Variants in CA7 observed in about 807,000 individuals in gnomAD.
CA7 encodes carbonic anhydrase 7.
CA7 carries 13 observed loss-of-function variants against 31.4 expected under a neutral mutation model. The ratio of observed to expected loss-of-function variants is 0.41; its 90% CI spans 0.27 to 0.66. The LOEUF is 0.66. Ranked by LOEUF, CA7 falls within the 30% of genes least tolerant of loss-of-function variation. The pLI, the probability that CA7 is intolerant of heterozygous loss-of-function variation, is 0.28. For missense variants in CA7, 215 were observed against 351.0 expected (o/e 0.61, Z 3.10); for synonymous variants, 128 against 133.2 (o/e 0.96, Z 0.27).
At position 66,853,268 on chromosome 16, in the gene CA7, G is replaced by A. The variant is rs1321767369; in HGVS notation, c.673-108G>A. ...TAGGGACAGACCCTAAGGGAAGGAG[G>A]AGGGAGGGGTAGAGCTGGCTGGGCA... On this transcript the variant is annotated intron_variant, in intron 6 of 6. Transcript: ENST00000338437. This position sits in a 1 kb window ranked among gnomAD's most constrained non-coding sequence, Gnocchi z 4.5. 6.6e-6 allele frequency: 9 copies of A among 1,368,194 alleles called. No homozygotes were observed. In the African/African-American group the frequency reaches 1.3e-4, roughly 20 times the overall value. 84.8% of individuals were successfully genotyped at this position (1,368,194 alleles called of 1,614,324 possible).
In CA7 at chr16:66,847,018, C is replaced by T. The variant is rs1332577221; in HGVS notation, c.41-12C>T. On this transcript the variant is annotated splice_polypyrimidine_tract_variant and intron_variant, in intron 1 of 6. Coordinates refer to ENST00000338437, the MANE Select transcript of CA7 (RefSeq NM_005182.3). Reference sequence around the variant, plus strand: ...GGCTGGCCTGAGTCCTTGCCCTCCTCCCCACCTGCAGGCCCCTCGCATTGG... The same window carrying T: ...GGCTGGCCTGAGTCCTTGCCCTCCTTCCCACCTGCAGGCCCCTCGCATTGG... 7 of 1,613,806 alleles carry T rather than the reference C, an allele frequency of 4.3e-6. No individual in the cohort carries two copies. Among genetic ancestry groups the T allele is most frequent in the Non-Finnish European group, 5.1e-6 (6 of 1,179,784 alleles).
In CA7 at chr16:66,851,578, G is replaced by A; in HGVS notation, c.453+20G>A. 1 of 1,613,686 alleles carries A rather than the reference G, an allele frequency of 6.2e-7. No individual in the cohort carries two copies. Among genetic ancestry groups the A allele is most frequent in the Non-Finnish European group, 8.5e-7 (1 of 1,179,566 alleles). On this transcript the variant is annotated intron_variant, in intron 4 of 6. Transcript: ENST00000338437. The stretch of plus-strand genomic sequence containing the variant: ...TTGGAGGTGAGTGGTGGTTTGCTGG[G>A]GCCTGGAGGGGCATGGGAGGCCTGG...
At chr16:66,851,404 G>A in intron 3 of CA7, 59 bp from the exon 4 acceptor site, 1 of 1,390,714 alleles carries the variant, frequency 7.2e-7, no homozygotes, top group Non-Finnish European at 1.0e-6. Flanking sequence ...GGGGAGCCTG[G>A]CTCAGAGTTC....
chr16:66,847,314 A>G (rs1349620751), intron 2 of CA7, 87 bp downstream of exon 2: 6 of 1,203,496 alleles, frequency 5.0e-6, no homozygotes, highest in Admixed American at 1.9e-5. Context: ...GAAGCATGCT[A>G]TGGTGGGTAA....
intron 3 of CA7, 142 bp from the exon 4 acceptor site, chr16:66,851,321 C>T (rs1314742730): frequency 1.3e-6 from 1 of 771,080 alleles, no homozygotes; most frequent in African/African-American, 1.7e-5. Context: ...CCCTGGACCC[C>T]CCAGCATCCT....
chr16:66,851,382 T>C, intron 3 of CA7, 81 bp from the exon 4 acceptor site: 2 of 1,129,784 alleles, frequency 1.8e-6, no homozygotes, highest in Non-Finnish European at 2.7e-6. Flanking sequence ...GCCAGGGGTC[T>C]GGTGGGAGTG....
intron 1 of CA7, chr16:66,845,197 T>C (rs1960902432): frequency 1.0e-6 from 1 of 985,512 alleles, no homozygotes; most frequent in Non-Finnish European, 1.2e-6. Context: ...CCTGCCTCAG[T>C]TTCCTTAGGA....
At chr16:66,847,261 C>G (rs574009034) in intron 2 of CA7, 34 bp downstream of exon 2, 1 of 1,598,532 alleles carries the variant, frequency 6.3e-7, no homozygotes, top group East Asian at 2.2e-5. Context: ...GGCACCTGGC[C>G]CCTGGCCCCT....
At chr16:66,850,154 A>G (rs1294246606) in intron 2 of CA7, among the ~76,000 whole-genome samples, 1 of 147,284 alleles carries the variant, frequency 6.8e-6, no homozygotes, top group Middle Eastern at 3.5e-3. Flanking sequence ...GGAAAAATGT[A>G]TCTCAGCTGG....
chr16:66,848,551 C>A (rs376181033), intron 2 of CA7, among the ~76,000 whole-genome samples: 15 of 152,296 alleles, frequency 9.8e-5, no homozygotes, highest in Middle Eastern at 3.4e-3. Context: ...CTCCCTCCCC[C>A]ACCCAGAATG....
At chr16:66,850,461 C>T in intron 2 of CA7, 80 bp from the exon 3 acceptor site, 1 of 834,104 alleles carries the variant, frequency 1.2e-6, no homozygotes, top group Non-Finnish European at 2.1e-6. Flanking sequence ...ATGTCCCTTT[C>T]CTGGGCTGCT....
At chr16:66,847,477 G>A (rs1484360411) in intron 2 of CA7, among the ~76,000 whole-genome samples, 1 of 152,206 alleles carries the variant, frequency 6.6e-6, no homozygotes, top group Non-Finnish European at 1.5e-5. Context: ...CACAGCAGAT[G>A]CTCAGGAAAT....
At chr16:66,849,735 C>A (rs1271641681) in intron 2 of CA7, among the ~76,000 whole-genome samples, 1 of 152,124 alleles carries the variant, frequency 6.6e-6, no homozygotes, top group Admixed American at 6.5e-5. Context: ...TCTGTCAGTC[C>A]CAGACCCTTC....
intron 3 of CA7, 43 bp from the exon 4 acceptor site, chr16:66,851,420 G>T: frequency 1.3e-6 from 2 of 1,525,062 alleles, no homozygotes; most frequent in South Asian, 2.2e-5. Context: ...AGTTCCCATT[G>T]CCTCTGGGAG....
At chr16:66,849,829 CCA>C (rs1310283858) in intron 2 of CA7, among the ~76,000 whole-genome samples, 1 of 152,210 alleles carries the variant, frequency 6.6e-6, no homozygotes, top group African/African-American at 2.4e-5. Flanking sequence ...CAACCCAAGC[CCA>C]GTCAGCCCAG....
chr16:66,844,563 A>AC, intron 1 of CA7, 36 bp downstream of exon 1: 1 of 1,520,786 alleles, frequency 6.6e-7, no homozygotes, highest in Non-Finnish European at 8.9e-7. Flanking sequence ...TCTGGCTCGG[A>AC]CCCCCGACCC....
rs1315457821 is a variant in CA7, at chr16:66,847,797, C to T, written c.238+570C>T. On this transcript the variant is annotated intron_variant, in intron 2 of 6. Coordinates refer to ENST00000338437, the MANE Select transcript of CA7 (RefSeq NM_005182.3). ...CTCTCTCTCTCCAGTTCACCTATGA[C>T]TTCAAGGTCCAACCATCTTGGGCCA... is the stretch of plus-strand genomic sequence containing the variant. 2.0e-5 allele frequency among the ~76,000 whole-genome samples: 3 copies of T among 152,326 alleles called. No homozygotes were observed. The East Asian group carries it at 5.8e-4, about 29-fold the overall frequency.
chr16:66,851,609 C>A, intron 4 of CA7, 51 bp downstream of exon 4: 1 of 1,612,222 alleles, frequency 6.2e-7, no homozygotes, highest in Non-Finnish European at 8.5e-7. Context: ...CCTGGCACTG[C>A]CCCTAGTTCT....
chr16:66,847,037 G>T lies in CA7; in HGVS notation c.48G>T (p.Ser16=), dbSNP rs781369944. The T allele has an allele frequency of 6.2e-7, 1 of 1,613,950 alleles. No homozygotes were observed. Among genetic ancestry groups the T allele is most frequent in the Admixed American group, 1.7e-5 (1 of 59,990 alleles). The change falls in exon 2 of 7, where the codon TCG becomes TCT. Residue 16 remains serine (S), a synonymous_variant. Transcript: ENST00000338437. ...CCTCCTCCCCACCTGCAGGCCCCTC[G>T]CATTGGCACAAGCTGTATCCCATTG... The part of the protein sequence containing the change: ...GWGYGQDDGP[S]HWHKLYPIAQ...
Sources: allele counts gnomAD v4.1 joint callset (sites outside exome capture counted in the v4.1 genomes callset), GRCh38; gene constraint gnomAD v4.1.1; non-coding constraint Gnocchi (gnomAD v3.1); transcripts MANE v1.5; gene names NCBI Gene and HGNC (gene_info 2026-07-23, HGNC 2026-07-21).